Variants in TCF7L1 observed in about 807,000 individuals in gnomAD.
The protein encoded by TCF7L1 is transcription factor 7-like 1.
In TCF7L1, 18 loss-of-function variants were observed where a neutral mutation model predicts 63.7. That is an observed-to-expected ratio of 0.28 (90% CI 0.20 to 0.42). The LOEUF (loss-of-function observed/expected upper bound fraction) is 0.42, where lower values mean the gene tolerates loss of function less well. Among genes scored for constraint, TCF7L1 ranks in the 10% least tolerant of loss-of-function variants. TCF7L1 has a pLI of 1.00. For missense variants in TCF7L1, 654 were observed against 779.3 expected (o/e 0.84, Z 1.91); for synonymous variants, 355 against 340.9 (o/e 1.04, Z -0.46).
At chr2:85,182,402 T>G (rs1034354512) in intron 3 of TCF7L1, among the ~76,000 whole-genome samples, 1 of 152,178 alleles carries the variant, frequency 6.6e-6, no homozygotes, top group Non-Finnish European at 1.5e-5. Context: ...AAGGAATGTA[T>G]TAATGCCAGC....
At chr2:85,238,503 C>T (rs1211414727) in intron 3 of TCF7L1, among the ~76,000 whole-genome samples, 1 of 152,178 alleles carries the variant, frequency 6.6e-6, no homozygotes, top group Non-Finnish European at 1.5e-5. Flanking sequence ...CAGCCGGGGC[C>T]GTGATTCCTT....
At chr2:85,138,922 T>C (rs184651745) in intron 3 of TCF7L1, among the ~76,000 whole-genome samples, 36 of 152,274 alleles carry the variant, frequency 2.4e-4, no homozygotes, top group Admixed American at 1.5e-3. Flanking sequence ...TCTTCTATAA[T>C]AGGAAGGCCC....
intron 3 of TCF7L1, among the ~76,000 whole-genome samples, chr2:85,226,033 A>G (rs1358998488): frequency 6.6e-6 from 1 of 152,238 alleles, no homozygotes; most frequent in Non-Finnish European, 1.5e-5. Context: ...TATTGAGATA[A>G]TCACGTGGTT....
intron 3 of TCF7L1, among the ~76,000 whole-genome samples, chr2:85,140,288 C>A (rs1317219557): frequency 2.0e-5 from 3 of 152,098 alleles, no homozygotes; most frequent in South Asian, 4.2e-4. Context: ...TTGGGAGGAA[C>A]CCTCGGTTTC....
chr2:85,234,135 T>G (rs1220136334), intron 3 of TCF7L1, among the ~76,000 whole-genome samples: 2 of 129,528 alleles, frequency 1.5e-5, no homozygotes, highest in Non-Finnish European at 3.4e-5. Context: ...TCTTTTCTTT[T>G]TTTTTTTTTT....
At chr2:85,140,181 G>A (rs1677690501) in intron 3 of TCF7L1, among the ~76,000 whole-genome samples, 1 of 152,080 alleles carries the variant, frequency 6.6e-6, no homozygotes, top group Non-Finnish European at 1.5e-5. Context: ...TCTGTGGGTG[G>A]GGAGGCCTCC....
At chr2:85,168,399 A>C (rs1033384867) in intron 3 of TCF7L1, among the ~76,000 whole-genome samples, 1 of 152,164 alleles carries the variant, frequency 6.6e-6, no homozygotes, top group Non-Finnish European at 1.5e-5. Flanking sequence ...AAAAAGAGTA[A>C]GTGTGGGAAC....
chr2:85,253,122 G>A (rs1238428471), intron 3 of TCF7L1, among the ~76,000 whole-genome samples: 1 of 152,210 alleles, frequency 6.6e-6, no homozygotes, highest in Non-Finnish European at 1.5e-5. Flanking sequence ...CCGTGAGCCA[G>A]TGTCACCTTA....
intron 3 of TCF7L1, among the ~76,000 whole-genome samples, chr2:85,245,349 G>A (rs375055341): frequency 2.0e-3 from 300 of 152,268 alleles, no homozygotes; most frequent in African/African-American, 6.5e-3. Flanking sequence ...ATGGAGGGCC[G>A]AAGGCAAGCC....
chr2:85,140,503 G>GA (rs1677702530), intron 3 of TCF7L1, among the ~76,000 whole-genome samples: 3 of 152,106 alleles, frequency 2.0e-5, no homozygotes, highest in African/African-American at 7.2e-5. Context: ...AAGCTGGAGG[G>GA]AAAGAAAGTG....
chr2:85,216,598 G>C (rs114863265), intron 3 of TCF7L1, among the ~76,000 whole-genome samples: 390 of 152,182 alleles, frequency 2.6e-3, no homozygotes, highest in African/African-American at 8.4e-3. Context: ...TCTAGAAGGC[G>C]TATGTTGGGA....
intron 3 of TCF7L1, among the ~76,000 whole-genome samples, chr2:85,235,893 C>G (rs1163091192): frequency 6.6e-6 from 1 of 152,090 alleles, no homozygotes; most frequent in Non-Finnish European, 1.5e-5. Context: ...GGTACTGTGG[C>G]TCATGATTGT....
At chr2:85,230,233 AC>A (rs1190042895) in intron 3 of TCF7L1, among the ~76,000 whole-genome samples, 2 of 152,162 alleles carry the variant, frequency 1.3e-5, no homozygotes, top group African/African-American at 4.8e-5. Context: ...ACTCTCATAA[AC>A]AATAGTGCAG....
intron 3 of TCF7L1, among the ~76,000 whole-genome samples, chr2:85,279,352 C>T (rs927155306): frequency 2.6e-5 from 4 of 152,028 alleles, no homozygotes; most frequent in Admixed American, 2.0e-4. Context: ...TGAGCCCAGG[C>T]GTTGAAGACG....
chr2:85,252,337 G>A (rs72840021), intron 3 of TCF7L1, among the ~76,000 whole-genome samples: 6 of 152,314 alleles, frequency 3.9e-5, no homozygotes, highest in African/African-American at 9.6e-5. Context: ...CTGAGCATTC[G>A]CAGGACTTGT....
chr2:85,188,423 T>C lies in TCF7L1; in HGVS notation c.441+53973T>C, dbSNP rs117371151. Among the ~76,000 whole-genome samples, 741 of 152,330 alleles carry C rather than the reference T, an allele frequency of 4.9e-3. 13 individuals carry two copies. The highest frequency in any genetic ancestry group is 0.04 in the East Asian group (209 of 5,186). On this transcript the variant is annotated intron_variant, in intron 3 of 11. Transcript: ENST00000282111. The stretch of plus-strand genomic sequence containing the variant: ...AGATGCTTGGAACCTCCCTGTACAC[T>C]TTTTTTCCAACTTCCTATGAATCTA...
chr2:85,268,767 T>TA lies in TCF7L1; in HGVS notation c.442-14711dup, dbSNP rs61701088. 1.1e-3 allele frequency among the ~76,000 whole-genome samples: 160 copies of TA among 139,246 alleles called. 1 individual carries two copies. The highest frequency in any genetic ancestry group is 4.0e-3 in the South Asian group (17 of 4,226). The allele number at this position is 139,246 out of a possible 152,430, so 91.4% of individuals were successfully genotyped here. The stretch of plus-strand genomic sequence containing the variant: ...TGGATGCCTTTCTGAAGCGGCAGGT[T>TA]AAAAAAAAAAAAAAAAAGATTGGAT... On this transcript the variant is annotated intron_variant, in intron 3 of 11. Coordinates refer to ENST00000282111, the MANE Select transcript of TCF7L1 (RefSeq NM_031283.3).
chr2:85,196,677 TA>T (rs1157631592), intron 3 of TCF7L1, among the ~76,000 whole-genome samples: 1 of 152,096 alleles, frequency 6.6e-6, no homozygotes, highest in Non-Finnish European at 1.5e-5. Context: ...GCCCGGACTT[TA>T]TAAGGTTCCA....
At chr2:85,246,462 C>T (rs1210054592) in intron 3 of TCF7L1, among the ~76,000 whole-genome samples, 1 of 151,906 alleles carries the variant, frequency 6.6e-6, no homozygotes, top group East Asian at 1.9e-4. Context: ...CTTAACGACT[C>T]ACATCCATTA....
Sources: allele counts gnomAD v4.1 joint callset (sites outside exome capture counted in the v4.1 genomes callset), GRCh38; gene constraint gnomAD v4.1.1; transcripts MANE v1.5; gene names NCBI Gene and HGNC (gene_info 2026-07-23, HGNC 2026-07-21).